BCAS3: variants seen among roughly 807,000 people sequenced by gnomAD.
BCAS3 encodes BCAS4/BCAS3 fusion.
Under a neutral mutation model 116.1 loss-of-function variants are expected in BCAS3, and 53 were observed. The ratio of observed to expected loss-of-function variants is 0.46; its 90% CI spans 0.37 to 0.57. The LOEUF is 0.57. BCAS3 is among the 20% of genes least tolerant of loss of function. The pLI, the probability that BCAS3 is intolerant of heterozygous loss-of-function variation, is 0.00. For missense variants in BCAS3, 917 were observed against 1,165.4 expected, an observed-to-expected ratio of 0.79 and a Z score of 3.10; for synonymous variants, 391 against 408.2, an observed-to-expected ratio of 0.96 and a Z score of 0.51.
intron 6 of BCAS3, among the ~76,000 whole-genome samples, chr17:60,773,803 A>T (rs953983776): frequency 6.6e-6 from 1 of 152,060 alleles, no homozygotes; most frequent in Non-Finnish European, 1.5e-5. Flanking sequence ...GCACGCCACC[A>T]TGCCTGGCTA....
intron 6 of BCAS3, among the ~76,000 whole-genome samples, chr17:60,776,140 CTTTGTAT>C (rs926566229): frequency 6.6e-6 from 1 of 152,064 alleles, no homozygotes. Context: ...GAGAAATTTT[CTTTGTAT>C]AAAGTCGTGC....
intron 7 of BCAS3, chr17:60,811,350 A>G (rs369287289): frequency 1.5e-6 from 1 of 655,452 alleles, no homozygotes; most frequent in Non-Finnish European, 2.7e-6. Flanking sequence ...AGTCTTGGTG[A>G]TACCCCAGAC....
intron 22 of BCAS3, among the ~76,000 whole-genome samples, chr17:61,193,950 A>G (rs1238892229): frequency 6.6e-6 from 1 of 150,436 alleles, no homozygotes; most frequent in Non-Finnish European, 1.5e-5. Context: ...AACCCCGTCT[A>G]TACTAAAAAC....
At position 61,356,600 on chromosome 17, in the gene BCAS3, G is replaced by A. The variant is rs1200378109; in HGVS notation, c.2426-11727G>A. On this transcript the variant is annotated intron_variant, in intron 22 of 23. Coordinates refer to ENST00000407086, the MANE Select transcript of BCAS3 (RefSeq NM_017679.5). This position sits in a 1 kb window ranked among gnomAD's most constrained non-coding sequence, Gnocchi z 5.4. ...TGAGGGCCTCAGCCATTTCTTGACAGTCATGAAAAGGTGTCTCCTAGGAAG... is the reference window on the plus strand; with the variant it reads ...TGAGGGCCTCAGCCATTTCTTGACAATCATGAAAAGGTGTCTCCTAGGAAG... Among the ~76,000 whole-genome samples, 2 of 152,206 alleles carry A rather than the reference G, an allele frequency of 1.3e-5. No individual in the cohort carries two copies. The highest frequency in any genetic ancestry group is 2.9e-5 in the Non-Finnish European group (2 of 68,038).
At chr17:60,897,255 G>A (rs1436445577) in intron 10 of BCAS3, among the ~76,000 whole-genome samples, 5 of 152,100 alleles carry the variant, frequency 3.3e-5, no homozygotes, top group African/African-American at 7.2e-5. Context: ...TGGCTTGTGA[G>A]GTTTCTGCTA....
intron 11 of BCAS3, among the ~76,000 whole-genome samples, chr17:60,907,144 A>G (rs2058231750): frequency 6.6e-6 from 1 of 152,202 alleles, no homozygotes; most frequent in Admixed American, 6.5e-5. Context: ...TACAACTTGC[A>G]TAATATTTAT....
chr17:61,380,687 G>T lies in BCAS3; in HGVS notation c.2594-11290G>T. On this transcript the variant is annotated intron_variant, in intron 23 of 23. Transcript: ENST00000407086. This position sits in a 1 kb window ranked among gnomAD's most constrained non-coding sequence, Gnocchi z 4.2. ...CCAGGCCCAGGAGCACTCTAGGGAG[G>T]GCAGGGGTCAGCTCAGATGGGAGGT... The T allele has an allele frequency of 1.1e-6, 1 of 926,738 alleles. No homozygotes were observed. The highest frequency in any genetic ancestry group is 2.1e-5 in the Admixed American group (1 of 48,648). The allele number at this position is 926,738 out of a possible 1,614,324, so 57.4% of individuals were successfully genotyped here. A position where few individuals can be genotyped will look rare whatever the true frequency, so the allele number is the denominator to read the frequency against.
At position 61,343,032 on chromosome 17, in the gene BCAS3, G is replaced by A. The variant is rs1346313742; in HGVS notation, c.2426-25295G>A. On this transcript the variant is annotated intron_variant, in intron 22 of 23. Transcript: ENST00000407086. The surrounding 1 kb of genome is among the most constrained non-coding windows in gnomAD (Gnocchi z 5.5). ...CTCCCAAAGTGCTGGGATTACAGGC[G>A]TGAGCCACTGAGCCCAGCCGAGATT... 6.6e-6 allele frequency among the ~76,000 whole-genome samples: 1 copy of A among 152,138 alleles called. No individual in the cohort carries two copies. Among genetic ancestry groups the A allele is most frequent in the Non-Finnish European group, 1.5e-5 (1 of 68,034 alleles).
In BCAS3 at chr17:61,106,267, A is replaced by C. The variant is rs2074643883; in HGVS notation, c.2425+21703A>C. Among the ~76,000 whole-genome samples the C allele has an allele frequency of 1.3e-5, 2 of 152,228 alleles. No homozygotes were observed. Among genetic ancestry groups the C allele is most frequent in the Admixed American group, 1.3e-4 (2 of 15,286 alleles). Reference sequence around the variant, plus strand: ...TGTATGGCATAGTGACCTTTCAGTCAACAGTGGACCTTATATGCTCGTGCA... The same window carrying C: ...TGTATGGCATAGTGACCTTTCAGTCCACAGTGGACCTTATATGCTCGTGCA... On this transcript the variant is annotated intron_variant, in intron 22 of 23. Transcript: ENST00000407086. The surrounding 1 kb of genome is among the most constrained non-coding windows in gnomAD (Gnocchi z 4.2).
intron 4 of BCAS3, among the ~76,000 whole-genome samples, chr17:60,705,109 A>C (rs138651038): frequency 6.6e-6 from 1 of 152,200 alleles, no homozygotes; most frequent in East Asian, 1.9e-4. Flanking sequence ...GGTGCCATCA[A>C]TGTTACAGAA....
At chr17:60,836,455 G>A (rs1240152969) in intron 7 of BCAS3, among the ~76,000 whole-genome samples, 1 of 152,036 alleles carries the variant, frequency 6.6e-6, no homozygotes, top group African/African-American at 2.4e-5. Flanking sequence ...TTGTAAGTCC[G>A]AAAAATGTAC....
chr17:61,148,235 A>G (rs969910867), intron 22 of BCAS3, among the ~76,000 whole-genome samples: 2 of 152,190 alleles, frequency 1.3e-5, no homozygotes, highest in African/African-American at 4.8e-5. Context: ...TGCCCATAAA[A>G]TGTTTAGCTG....
chr17:60,980,807 AT>A (rs1483677457), intron 14 of BCAS3, among the ~76,000 whole-genome samples: 1 of 151,906 alleles, frequency 6.6e-6, no homozygotes, highest in Non-Finnish European at 1.5e-5. Flanking sequence ...AAGTGTTGGG[AT>A]TATAGACAGG....
chr17:61,364,885 G>A lies in BCAS3; in HGVS notation c.2426-3442G>A, dbSNP rs1424392980. 6.6e-6 allele frequency among the ~76,000 whole-genome samples: 1 copy of A among 152,132 alleles called. No homozygotes were observed. The highest frequency in any genetic ancestry group is 1.9e-4 in the East Asian group (1 of 5,182). ...GCTTCCAGTTTCACCACCATAAATG[G>A]GGGATAGTACCTCTACGACCTCTCA... On this transcript the variant is annotated intron_variant, in intron 22 of 23. Coordinates refer to ENST00000407086, the MANE Select transcript of BCAS3 (RefSeq NM_017679.5). The surrounding 1 kb of genome is among the most constrained non-coding windows in gnomAD (Gnocchi z 5.4).
rs773362038 is a variant in BCAS3 at position 61,276,598 on chromosome 17, G to A, written c.2426-91729G>A. On this transcript the variant is annotated intron_variant, in intron 22 of 23. Coordinates refer to ENST00000407086, the MANE Select transcript of BCAS3 (RefSeq NM_017679.5). This position sits in a 1 kb window ranked among gnomAD's most constrained non-coding sequence, Gnocchi z 4.2. ...GATCAGAAGACAAAATTGTTAAGAC[G>A]GCAGTGCTCCCCAAATTGATCTACA... Among the ~76,000 whole-genome samples, 7 of 152,026 alleles carry A rather than the reference G, an allele frequency of 4.6e-5. No homozygotes were observed. The highest frequency in any genetic ancestry group is 9.7e-5 in the African/African-American group (4 of 41,382).
intron 22 of BCAS3, among the ~76,000 whole-genome samples, chr17:61,273,112 T>A (rs2050448489): frequency 6.7e-6 from 1 of 149,828 alleles, no homozygotes; most frequent in African/African-American, 2.4e-5. Context: ...TTTATTTTAT[T>A]TTTTTTTTTT....
rs2058429156 is a variant in BCAS3 at position 61,361,041 on chromosome 17, C to T, written c.2426-7286C>T. Among the ~76,000 whole-genome samples, 1 of 152,086 alleles carries T rather than the reference C, an allele frequency of 6.6e-6. No homozygotes were observed. The highest frequency in any genetic ancestry group is 2.4e-5 in the African/African-American group (1 of 41,414). On this transcript the variant is annotated intron_variant, in intron 22 of 23. Transcript: ENST00000407086. The surrounding 1 kb of genome is among the most constrained non-coding windows in gnomAD (Gnocchi z 6.5). ...ACCCTAGGATACCTCAAATATCAGA[C>T]ACCATTTTCTGGAAGTATACTATTG...
At chr17:60,722,635 C>G in intron 5 of BCAS3, among the ~76,000 whole-genome samples, 1 of 151,848 alleles carries the variant, frequency 6.6e-6, no homozygotes, top group South Asian at 2.1e-4. Context: ...GTGGTGGGCA[C>G]CTGTAGTCCC....
In BCAS3 at chr17:61,128,503, A is replaced by G. The variant is rs967287802; in HGVS notation, c.2425+43939A>G. Reference sequence around the variant, plus strand: ...TTTCAAAGACAGAGGTTAACAAGCAATGGACAAACCTTCCGTTCTTCTCTA... The same window carrying G: ...TTTCAAAGACAGAGGTTAACAAGCAGTGGACAAACCTTCCGTTCTTCTCTA... On this transcript the variant is annotated intron_variant, in intron 22 of 23. Coordinates refer to ENST00000407086, the MANE Select transcript of BCAS3 (RefSeq NM_017679.5). The surrounding 1 kb of genome is among the most constrained non-coding windows in gnomAD (Gnocchi z 4.1). The G allele has an allele frequency of 4.1e-6, 4 of 985,298 alleles. No individual in the cohort carries two copies. Among genetic ancestry groups the G allele is most frequent in the African/African-American group, 1.7e-5 (1 of 57,244 alleles). 61.0% of individuals were successfully genotyped at this position (985,298 alleles called of 1,614,324 possible).
Sources: gnomAD v4.1 joint callset for allele counts (sites outside exome capture counted in the v4.1 genomes callset) on GRCh38, gnomAD v4.1.1 for gene constraint, Gnocchi (gnomAD v3.1) non-coding constraint, MANE v1.5 for transcripts, NCBI Gene and HGNC (gene_info 2026-07-23, HGNC 2026-07-21) for gene names.